Variants in ITPR1 observed in about 807,000 individuals in gnomAD.
ITPR1 encodes inositol 1,4,5-trisphosphate-gated calcium channel ITPR1.
Under a neutral mutation model 318.4 loss-of-function variants are expected in ITPR1, and 96 were observed. The observed-to-expected ratio is 0.30, with a 90% CI of 0.26 to 0.36. ITPR1 has a LOEUF of 0.36. Ranked by LOEUF, ITPR1 falls within the 10% of genes least tolerant of loss-of-function variation. ITPR1 has a pLI of 1.00. For missense variants in ITPR1, 2,440 were observed against 3,460.2 expected, an observed-to-expected ratio of 0.71 and a Z score of 7.40; for synonymous variants, 1,312 against 1,289.9, an observed-to-expected ratio of 1.02 and a Z score of -0.37.
intron 2 of ITPR1, among the ~76,000 whole-genome samples, chr3:4,514,650 C>A (rs1373545775): frequency 1.3e-5 from 2 of 152,200 alleles, no homozygotes; most frequent in Non-Finnish European, 2.9e-5. Context: ...TGCTCTTCTG[C>A]ATTTGGAAAT....
chr3:4,570,727 C>T (rs1236234385), intron 4 of ITPR1, among the ~76,000 whole-genome samples: 5 of 152,118 alleles, frequency 3.3e-5, no homozygotes, highest in Admixed American at 6.5e-5. Flanking sequence ...AATTACTTAC[C>T]GTCCATATTT....
At chr3:4,496,335 G>A (rs1364090814) in intron 2 of ITPR1, among the ~76,000 whole-genome samples, 1 of 151,774 alleles carries the variant, frequency 6.6e-6, no homozygotes, top group Non-Finnish European at 1.5e-5. Flanking sequence ...GTGTGTGTGT[G>A]TATGCATATG....
intron 30 of ITPR1, 53 bp from the exon 31 acceptor site, chr3:4,688,442 A>G: frequency 6.2e-7 from 1 of 1,606,016 alleles, no homozygotes; most frequent in South Asian, 1.1e-5. Context: ...GTATAGGAGA[A>G]GCTGGTCTCC....
Position 4,811,246 on chromosome 3 carries a change from T to G in ITPR1, c.7273-19T>G. On this transcript the variant is annotated intron_variant, in intron 55 of 61. Transcript: ENST00000649015. ...CTAACATCAAGGCTTCTTAAAATTCTTTTTGTTTGTTTTCAAAGCTTTTTG... is the reference window on the plus strand; with the variant it reads ...CTAACATCAAGGCTTCTTAAAATTCGTTTTGTTTGTTTTCAAAGCTTTTTG... 1 of 1,517,560 alleles carries G rather than the reference T, an allele frequency of 6.6e-7. No individual in the cohort carries two copies. The highest frequency in any genetic ancestry group is 2.3e-5 in the East Asian group (1 of 43,796). 94.0% of individuals were successfully genotyped at this position (1,517,560 alleles called of 1,614,324 possible).
At chr3:4,680,477 G>A (rs1474294796) in intron 24 of ITPR1, 76 bp from the exon 25 acceptor site, 2 of 1,330,010 alleles carry the variant, frequency 1.5e-6, no homozygotes, top group Admixed American at 1.7e-5. Context: ...GGCCCCGCCA[G>A]TGTGTGGTGG....
chr3:4,571,277 G>T (rs2087951372), intron 4 of ITPR1, among the ~76,000 whole-genome samples: 1 of 152,120 alleles, frequency 6.6e-6, no homozygotes, highest in South Asian at 2.1e-4. Flanking sequence ...ATAAGATTTA[G>T]AATTTTTATT....
chr3:4,514,254 C>T (rs1431155770), intron 2 of ITPR1, among the ~76,000 whole-genome samples: 1 of 152,136 alleles, frequency 6.6e-6, no homozygotes, highest in Admixed American at 6.5e-5. Context: ...CATGAGGATT[C>T]ACTAAGAGAA....
At chr3:4,695,661 G>A (rs1262312524) in intron 33 of ITPR1, among the ~76,000 whole-genome samples, 3 of 152,136 alleles carry the variant, frequency 2.0e-5, no homozygotes. Context: ...GTTTTGTGAG[G>A]TTTTGGACTT....
At chr3:4,782,768 G>A (rs751323618) in intron 50 of ITPR1, 27 bp downstream of exon 50, 1 of 1,435,104 alleles carries the variant, frequency 7.0e-7, no homozygotes, top group Non-Finnish European at 9.2e-7. Context: ...GCCTCCTCTG[G>A]ATGCTGCCTC....
chr3:4,781,802 G>A (rs770713475), intron 49 of ITPR1, among the ~76,000 whole-genome samples: 16 of 152,190 alleles, frequency 1.1e-4, no homozygotes, highest in Non-Finnish European at 1.3e-4. Flanking sequence ...GGGCAACATA[G>A]TGAGACCTTG....
Position 4,846,663 on chromosome 3 carries a change from G to C in ITPR1, c.*438G>C, listed in dbSNP as rs1376021792. ...GAGTGCACTTCTTTGAAGCTGGTGT[G>C]TTAATACTATGTAATAAATGGTTAA... On this transcript the variant is annotated 3_prime_UTR_variant, in exon 62 of 62. Transcript: ENST00000649015. 1.3e-5 allele frequency: 2 copies of C among 153,076 alleles called. No homozygotes were observed. The highest frequency in any genetic ancestry group is 1.9e-4 in the East Asian group (1 of 5,210). The allele number at this position is 153,076 out of a possible 1,614,324, so 9.5% of individuals were successfully genotyped here. A position where few individuals can be genotyped will look rare whatever the true frequency, so the allele number is the denominator to read the frequency against.
chr3:4,690,887 G>A (rs527783405), intron 31 of ITPR1, among the ~76,000 whole-genome samples: 2 of 152,272 alleles, frequency 1.3e-5, no homozygotes, highest in Admixed American at 6.5e-5. Context: ...TGATCTGGGT[G>A]TTCAAGGTCC....
At chr3:4,781,170 T>C (rs2046813685) in intron 49 of ITPR1, among the ~76,000 whole-genome samples, 1 of 152,230 alleles carries the variant, frequency 6.6e-6, no homozygotes, top group Non-Finnish European at 1.5e-5. Flanking sequence ...CACCGTTACT[T>C]CCAGGGCCTG....
At chr3:4,708,248 T>C (rs924777590) in intron 37 of ITPR1, among the ~76,000 whole-genome samples, 2 of 152,156 alleles carry the variant, frequency 1.3e-5, no homozygotes, top group African/African-American at 4.8e-5. Flanking sequence ...GATTATTCCT[T>C]TTTTTTCTTA....
intron 5 of ITPR1, among the ~76,000 whole-genome samples, chr3:4,636,729 A>C (rs922287782): frequency 2.6e-5 from 4 of 152,246 alleles, no homozygotes; most frequent in Non-Finnish European, 5.9e-5. Context: ...ACTCCTGGCC[A>C]AGAGTATCTT....
chr3:4,821,922 C>G (rs1288674663), intron 60 of ITPR1, among the ~76,000 whole-genome samples: 1 of 152,218 alleles, frequency 6.6e-6, no homozygotes, highest in African/African-American at 2.4e-5. Flanking sequence ...ATTTCCCTCT[C>G]CCCTTTTGGT....
intron 4 of ITPR1, among the ~76,000 whole-genome samples, chr3:4,547,372 G>T (rs1488743019): frequency 6.6e-6 from 1 of 152,202 alleles, no homozygotes; most frequent in African/African-American, 2.4e-5. Flanking sequence ...TTCATGGAAA[G>T]CTGTAATATA....
intron 4 of ITPR1, among the ~76,000 whole-genome samples, chr3:4,526,571 C>T (rs1025501961): frequency 1.3e-5 from 2 of 152,244 alleles, no homozygotes; most frequent in Non-Finnish European, 2.9e-5. Context: ...AACAGACCCA[C>T]ATTATAAGTT....
chr3:4,567,664 C>G (rs13089179), intron 4 of ITPR1, among the ~76,000 whole-genome samples: 63,001 of 151,708 alleles, frequency 0.42, 13,295 homozygotes, highest in South Asian at 0.48. Flanking sequence ...GGAGTGCATG[C>G]TGCCATCTTG....
Sources: gnomAD v4.1 joint callset for allele counts (sites outside exome capture counted in the v4.1 genomes callset) on GRCh38, gnomAD v4.1.1 for gene constraint, MANE v1.5 for transcripts, NCBI Gene and HGNC (gene_info 2026-07-23, HGNC 2026-07-21) for gene names.